ZNF475: variants seen among roughly 807,000 people sequenced by gnomAD.
ZNF475 encodes the protein zinc finger protein 475.
chr5:122,179,778 C>T, the ZNF475 span: 115 of 1,292,936 alleles, frequency 8.9e-5, 3 homozygotes, highest in East Asian at 9.9e-4. Context: ...AGACTTTTCT[C>T]TCTAAACTAA....
chr5:122,177,131 G>T, the ZNF475 span, among the ~76,000 whole-genome samples: 1 of 152,174 alleles, frequency 6.6e-6, no homozygotes, highest in Non-Finnish European at 1.5e-5. Context: ...TCACTCTGGG[G>T]ACTTCTGGAA....
chr5:122,165,557 T>C, the ZNF475 span, among the ~76,000 whole-genome samples: 1 of 152,098 alleles, frequency 6.6e-6, no homozygotes, highest in Non-Finnish European at 1.5e-5. Context: ...AGGAGTGCCT[T>C]TTTCTGATTT....
At chr5:122,172,558 T>C in the ZNF475 span, among the ~76,000 whole-genome samples, 61 of 152,276 alleles carry the variant, frequency 4.0e-4, no homozygotes, top group Non-Finnish European at 7.4e-4. Context: ...TCTGGGGAGA[T>C]CACTGTTACA....
chr5:122,175,907 G>A, the ZNF475 span, among the ~76,000 whole-genome samples: 2 of 152,110 alleles, frequency 1.3e-5, no homozygotes, highest in African/African-American at 4.8e-5. Context: ...TTTTCTGCAA[G>A]TTTTTTGAAA....
the ZNF475 span, among the ~76,000 whole-genome samples, chr5:122,163,583 T>A: frequency 3.8e-4 from 58 of 152,174 alleles, no homozygotes; most frequent in Non-Finnish European, 7.6e-4. Flanking sequence ...AAACAGAAGC[T>A]AAGGCCCAAA....
At chr5:122,168,676 G>A in the ZNF475 span, among the ~76,000 whole-genome samples, 1 of 152,200 alleles carries the variant, frequency 6.6e-6, no homozygotes, top group Non-Finnish European at 1.5e-5. Context: ...TCGTGCCACT[G>A]CACTGCAGGC....
chr5:122,160,673 G>A, the ZNF475 span, among the ~76,000 whole-genome samples: 7 of 152,098 alleles, frequency 4.6e-5, no homozygotes, highest in East Asian at 1.3e-3. Context: ...TTCTGTGAGA[G>A]GAGAGAATCA....
At chr5:122,179,062 T>C in the ZNF475 span, among the ~76,000 whole-genome samples, 1 of 152,202 alleles carries the variant, frequency 6.6e-6, no homozygotes, top group African/African-American at 2.4e-5. Flanking sequence ...TGTGGCATTA[T>C]TTCTGAGGCC....
the ZNF475 span, chr5:122,179,756 G>T: frequency 6.9e-7 from 1 of 1,456,366 alleles, no homozygotes; most frequent in Non-Finnish European, 9.0e-7. Context: ...AAAGATTTGA[G>T]TGCATAAGGG....
chr5:122,168,529 G>A, the ZNF475 span, among the ~76,000 whole-genome samples: 3 of 152,262 alleles, frequency 2.0e-5, no homozygotes, highest in East Asian at 1.9e-4. Flanking sequence ...TGGCTAACAC[G>A]GTGAAACCCC....
At chr5:122,165,162 G>C in the ZNF475 span, among the ~76,000 whole-genome samples, 1 of 152,240 alleles carries the variant, frequency 6.6e-6, no homozygotes, top group African/African-American at 2.4e-5. Context: ...CTTTCCTCCA[G>C]ATGCATCTGC....
At chr5:122,177,384 G>A in the ZNF475 span, among the ~76,000 whole-genome samples, 1 of 152,128 alleles carries the variant, frequency 6.6e-6, no homozygotes, top group Admixed American at 6.5e-5. Flanking sequence ...ATATATGGGT[G>A]TACTCAAGCC....
chr5:122,162,176 G>C, the ZNF475 span: 1 of 152,104 alleles, frequency 6.6e-6, no homozygotes, highest in African/African-American at 2.4e-5. Flanking sequence ...CATAAAGATA[G>C]TTTAATAAAA....
the ZNF475 span, among the ~76,000 whole-genome samples, chr5:122,175,635 G>GTCCA: frequency 8.5e-5 from 13 of 152,232 alleles, no homozygotes; most frequent in African/African-American, 3.1e-4. Context: ...AGAAGACTAA[G>GTCCA]TCCATGTATG....
At chr5:122,162,433 A>G in the ZNF475 span, 1 of 152,240 alleles carries the variant, frequency 6.6e-6, no homozygotes, top group Non-Finnish European at 1.5e-5. Flanking sequence ...TGGTTTCTAG[A>G]CAATCAAACT....
At chr5:122,173,748 C>G in the ZNF475 span, among the ~76,000 whole-genome samples, 1 of 152,186 alleles carries the variant, frequency 6.6e-6, no homozygotes, top group African/African-American at 2.4e-5. Flanking sequence ...TAGCCTAAAT[C>G]AACTTTCCCA....
the ZNF475 span, among the ~76,000 whole-genome samples, chr5:122,165,754 C>A: frequency 1.8e-3 from 235 of 130,700 alleles, 1 homozygote; most frequent in African/African-American, 7.6e-3. Context: ...ACGGATGATG[C>A]AACCTACAAA....
chr5:122,172,196 G>C, the ZNF475 span, among the ~76,000 whole-genome samples: 1 of 152,172 alleles, frequency 6.6e-6, no homozygotes, highest in Non-Finnish European at 1.5e-5. Context: ...ATCAGGGGTA[G>C]AGTGGCTATA....
At chr5:122,181,763 G>A in the ZNF475 span, among the ~76,000 whole-genome samples, 1 of 152,086 alleles carries the variant, frequency 6.6e-6, no homozygotes, top group African/African-American at 2.4e-5. Flanking sequence ...TTTTAACTAA[G>A]GTTTATTAAA....
Sources: gnomAD v4.1 joint callset for allele counts (sites outside exome capture counted in the v4.1 genomes callset) on GRCh38, gnomAD v4.1.1 for gene constraint, MANE v1.5 for transcripts, NCBI Gene and HGNC (gene_info 2026-07-23, HGNC 2026-07-21) for gene names.